Variants in RYK observed in about 807,000 individuals in gnomAD.
The protein encoded by RYK is inactive tyrosine-protein kinase RYK.
In RYK, 21 loss-of-function variants were observed where a neutral mutation model predicts 70.2. The ratio of observed to expected loss-of-function variants is 0.30; its 90% CI spans 0.21 to 0.43. The LOEUF (loss-of-function observed/expected upper bound fraction) is 0.43, where lower values mean the gene tolerates loss of function less well. Ranked by LOEUF, RYK falls within the 20% of genes least tolerant of loss-of-function variation. The pLI, the probability that RYK is intolerant of heterozygous loss-of-function variation, is 1.00. For synonymous variants in RYK, 267 were observed against 278.0 expected, an observed-to-expected ratio of 0.96 and a Z score of 0.39; for missense variants, 604 against 753.3, an observed-to-expected ratio of 0.80 and a Z score of 2.32.
intron 2 of RYK, among the ~76,000 whole-genome samples, chr3:134,218,227 G>A (rs1157927523): frequency 6.6e-6 from 1 of 152,062 alleles, no homozygotes; most frequent in African/African-American, 2.4e-5. Context: ...TCCTAAAGCC[G>A]CACATCCCAA....
chr3:134,239,833 C>T (rs2015277903), intron 1 of RYK, among the ~76,000 whole-genome samples: 1 of 152,234 alleles, frequency 6.6e-6, no homozygotes, highest in Non-Finnish European at 1.5e-5. Flanking sequence ...CACAGAGAGG[C>T]ACTGGGGATC....
chr3:134,193,328 C>T (rs774142224), intron 7 of RYK, among the ~76,000 whole-genome samples: 4 of 152,022 alleles, frequency 2.6e-5, no homozygotes, highest in Non-Finnish European at 5.9e-5. Context: ...GGACTACAGG[C>T]GCGAGCCACC....
intron 9 of RYK, among the ~76,000 whole-genome samples, chr3:134,185,428 C>T (rs950678998): frequency 6.6e-6 from 1 of 152,280 alleles, no homozygotes; most frequent in South Asian, 2.1e-4. Context: ...CCATTACTTG[C>T]TACTAAGTGT....
chr3:134,233,374 TACTG>T (rs2015115547), intron 1 of RYK, among the ~76,000 whole-genome samples: 1 of 152,218 alleles, frequency 6.6e-6, no homozygotes, highest in African/African-American at 2.4e-5. Flanking sequence ...TTAAAAATAA[TACTG>T]ACTGTTACAC....
intron 2 of RYK, among the ~76,000 whole-genome samples, chr3:134,221,572 T>C (rs2014737919): frequency 6.6e-6 from 1 of 152,132 alleles, no homozygotes; most frequent in Non-Finnish European, 1.5e-5. Context: ...GTTTTCTAAG[T>C]AGAAAAAAAT....
intron 5 of RYK, among the ~76,000 whole-genome samples, chr3:134,204,626 C>CACACAT (rs2014149184): frequency 6.6e-6 from 1 of 151,164 alleles, no homozygotes; most frequent in Non-Finnish European, 1.5e-5. Context: ...CACACACACA[C>CACACAT]ACGCAGAAGC....
Position 134,227,568 on chromosome 3 carries a change from T to C in RYK, c.233-5029A>G, listed in dbSNP as rs971077000. Among the ~76,000 whole-genome samples the C allele has an allele frequency of 2.0e-5, 3 of 151,444 alleles. 1 individual carries two copies. Among genetic ancestry groups the C allele is most frequent in the Middle Eastern group, 3.2e-3 (1 of 316 alleles). ...GAAAAAAAAAACCTTAAAATGAAAA[T>C]TAAAACCACAATGAGATACCACCTC... On this transcript the variant is annotated intron_variant, in intron 1 of 14. Coordinates refer to ENST00000623711, the MANE Select transcript of RYK (RefSeq NM_002958.4).
chr3:134,196,580 AAAACACACACACACACAC>A (rs1476753291), intron 6 of RYK, among the ~76,000 whole-genome samples: 15 of 127,330 alleles, frequency 1.2e-4, no homozygotes, highest in Non-Finnish European at 2.5e-4. Flanking sequence ...TCTCTGAAAC[AAAACACACACACACACAC>A]ACACACACAC....
At position 134,188,844 on chromosome 3, in the gene RYK, T is replaced by A; in HGVS notation, c.1095A>T (p.Thr365=). ...PNKEKQAFVK[T]VKDQASEIQV... ...ATGGAAAAAAGATCCTACCTTTAACTGTTTTGACAAATGCTTGTTTTTCTT... is the reference window on the plus strand; with the variant it reads ...ATGGAAAAAAGATCCTACCTTTAACAGTTTTGACAAATGCTTGTTTTTCTT... Residue 365 remains threonine (T), a synonymous_variant, in exon 9 of 15, where the codon ACA becomes ACT. Transcript: ENST00000623711. 1 of 1,552,138 alleles carries A rather than the reference T, an allele frequency of 6.4e-7. No individual in the cohort carries two copies. The highest frequency in any genetic ancestry group is 1.1e-5 in the South Asian group (1 of 86,982).
chr3:134,160,888 A>G lies in RYK; in HGVS notation c.1576-1515T>C, dbSNP rs766435860. ...AAAAAAAAATTAAAAACTGTCATGGAAAGTTCTATATAGAGCCAAAATATA... is the reference window on the plus strand; with the variant it reads ...AAAAAAAAATTAAAAACTGTCATGGGAAGTTCTATATAGAGCCAAAATATA... On this transcript the variant is annotated intron_variant, in intron 13 of 14. Coordinates refer to ENST00000623711, the MANE Select transcript of RYK (RefSeq NM_002958.4). Among the ~76,000 whole-genome samples, 6 of 152,210 alleles carry G rather than the reference A, an allele frequency of 3.9e-5. No homozygotes were observed. The South Asian group carries it at 6.2e-4, about 16-fold the overall frequency.
chr3:134,177,161 G>C (rs2013134283), intron 11 of RYK, among the ~76,000 whole-genome samples: 1 of 152,140 alleles, frequency 6.6e-6, no homozygotes, highest in Non-Finnish European at 1.5e-5. Flanking sequence ...AGTACTTGGG[G>C]CTGAGGAATA....
chr3:134,191,913 T>G lies in RYK; in HGVS notation c.951A>C (p.Lys317Asn). 6.2e-7 allele frequency: 1 copy of G among 1,613,336 alleles called. No homozygotes were observed. The highest frequency in any genetic ancestry group is 1.1e-5 in the South Asian group (1 of 90,984). ...ATATTGCTATATCCTTCACCTTGCC[T>G]TTGGCCTCCAAAAGAGTGACACTTC... ...DLRSVTLLEAKGKVKDIAISR... is the reference protein window; with the variant it reads ...DLRSVTLLEANGKVKDIAISR... The change falls in exon 8 of 15, where the codon AAA (lysine) becomes AAC (asparagine). Residue 317 changes from lysine to asparagine, a missense_variant. Coordinates refer to ENST00000623711, the MANE Select transcript of RYK (RefSeq NM_002958.4).
At chr3:134,248,467 CTTCAT>C (rs2015527816) in intron 1 of RYK, among the ~76,000 whole-genome samples, 3 of 152,148 alleles carry the variant, frequency 2.0e-5, no homozygotes, top group Non-Finnish European at 4.4e-5. Flanking sequence ...CAGACAAAAT[CTTCAT>C]TTCATTCGAT....
chr3:134,207,534 A>C lies in RYK; in HGVS notation c.590-9T>G. 6.6e-7 allele frequency: 1 copy of C among 1,517,568 alleles called. No homozygotes were observed. The highest frequency in any genetic ancestry group is 8.9e-7 in the Non-Finnish European group (1 of 1,123,612). 94.0% of individuals were successfully genotyped at this position (1,517,568 alleles called of 1,614,324 possible). On this transcript the variant is annotated splice_polypyrimidine_tract_variant and intron_variant, in intron 4 of 14. Coordinates refer to ENST00000623711, the MANE Select transcript of RYK (RefSeq NM_002958.4). ...TTTTACTTCTTCAAGTTCTGAATTTAAAGGAGAAAAATGATGCTTTAGAAA... is the reference window on the plus strand; with the variant it reads ...TTTTACTTCTTCAAGTTCTGAATTTCAAGGAGAAAAATGATGCTTTAGAAA...
intron 14 of RYK, among the ~76,000 whole-genome samples, chr3:134,158,711 C>T (rs924930230): frequency 2.0e-5 from 3 of 152,112 alleles, no homozygotes; most frequent in African/African-American, 4.8e-5. Flanking sequence ...CTCATCTGTA[C>T]GATCAATCAC....
intron 1 of RYK, among the ~76,000 whole-genome samples, chr3:134,225,651 C>T (rs2014885223): frequency 6.6e-6 from 1 of 152,070 alleles, no homozygotes; most frequent in Non-Finnish European, 1.5e-5. Flanking sequence ...GCTAGGAGTT[C>T]AAGACCAGCC....
At chr3:134,231,552 T>C (rs756676418) in intron 1 of RYK, among the ~76,000 whole-genome samples, 3 of 152,206 alleles carry the variant, frequency 2.0e-5, no homozygotes, top group South Asian at 4.1e-4. Flanking sequence ...GGACTTCAAC[T>C]TGTGCTAGTA....
At chr3:134,178,155 CA>C in intron 10 of RYK, 82 bp from the exon 11 acceptor site, 1 of 1,001,864 alleles carries the variant, frequency 1.0e-6, no homozygotes, top group Non-Finnish European at 1.5e-6. Context: ...TAATCTAAAA[CA>C]AAACAAAATC....
chr3:134,168,476 A>G (rs996378321), intron 13 of RYK, among the ~76,000 whole-genome samples: 4 of 152,336 alleles, frequency 2.6e-5, no homozygotes, highest in Admixed American at 2.6e-4. Context: ...TTGTAGGGAC[A>G]TGGACGAAAC....
Sources: allele counts gnomAD v4.1 joint callset (sites outside exome capture counted in the v4.1 genomes callset), GRCh38; gene constraint gnomAD v4.1.1; transcripts MANE v1.5; gene names NCBI Gene and HGNC (gene_info 2026-07-23, HGNC 2026-07-21).